The following NADK2 variants were observed in gnomAD, a reference collection of about 807,000 sequenced individuals.
The protein encoded by NADK2 is NAD kinase domain-containing protein 1, mitochondrial.
In NADK2, 35 loss-of-function variants were observed where a neutral mutation model predicts 62.1. That is an observed-to-expected ratio of 0.56 (90% confidence interval 0.43 to 0.75). NADK2 has a LOEUF of 0.75. Among genes scored for constraint, NADK2 ranks in the 30% least tolerant of loss-of-function variants. The probability of loss-of-function intolerance (pLI) is 0.00; values close to 1 mark genes in which losing one functional copy is unlikely to be tolerated. For missense variants in NADK2, 439 were observed against 561.3 expected, an observed-to-expected ratio of 0.78 and a Z score of 2.20; for synonymous variants, 205 against 207.9, an observed-to-expected ratio of 0.99 and a Z score of 0.12.
intron 1 of NADK2, among the ~76,000 whole-genome samples, chr5:36,230,083 A>T (rs923769042): frequency 7.9e-5 from 12 of 152,100 alleles, no homozygotes; most frequent in African/African-American, 2.9e-4. Flanking sequence ...CCTATAGATT[A>T]TTCCGAACAC....
Position 36,205,606 on chromosome 5 carries a change from G to C in NADK2, c.956+1564C>G, listed in dbSNP as rs1746605051. On this transcript the variant is annotated intron_variant, in intron 8 of 11. Transcript: ENST00000381937. The surrounding 1 kb of genome is among the most constrained non-coding windows in gnomAD (Gnocchi z 4.1). ...TGAAAGTTATAAGGCAGAGAAGAGA[G>C]ACAGATTTATCTACATTTTAGAAAT... Among the ~76,000 whole-genome samples the C allele has an allele frequency of 6.6e-6, 1 of 151,996 alleles. No individual in the cohort carries two copies. Among genetic ancestry groups the C allele is most frequent in the African/African-American group, 2.4e-5 (1 of 41,398 alleles).
Position 36,193,573 on chromosome 5 carries a change from A to G in NADK2, c.*1571T>C, listed in dbSNP as rs1370168031. The G allele has an allele frequency of 6.6e-6, 1 of 151,942 alleles. No individual in the cohort carries two copies. Among genetic ancestry groups the G allele is most frequent in the East Asian group, 1.9e-4 (1 of 5,200 alleles). 9.4% of individuals were successfully genotyped at this position (151,942 alleles called of 1,614,324 possible). The stretch of plus-strand genomic sequence containing the variant: ...AAAGTGGTATCTTATGTATATCAAA[A>G]AAAAAAAGCCAGATCAATCTCTGGG... On this transcript the variant is annotated 3_prime_UTR_variant, in exon 12 of 12. Coordinates refer to ENST00000381937, the MANE Select transcript of NADK2 (RefSeq NM_001085411.3).
At chr5:36,212,195 T>C (rs913420513) in intron 6 of NADK2, 5 of 232,898 alleles carry the variant, frequency 2.1e-5, no homozygotes, top group African/African-American at 9.0e-5. Context: ...TGAACTATAT[T>C]TATCCATCTC....
intron 6 of NADK2, among the ~76,000 whole-genome samples, chr5:36,215,331 A>G (rs1318611230): frequency 6.6e-6 from 1 of 152,190 alleles, no homozygotes. Flanking sequence ...CTAACTGTGT[A>G]TATTTATGGA....
intron 6 of NADK2, among the ~76,000 whole-genome samples, chr5:36,217,236 C>T (rs1431518786): frequency 6.6e-6 from 1 of 152,062 alleles, no homozygotes; most frequent in Non-Finnish European, 1.5e-5. Flanking sequence ...AAATATGGCT[C>T]AAAATGGAGA....
chr5:36,198,988 G>A (rs1194067911), intron 10 of NADK2, among the ~76,000 whole-genome samples: 3 of 151,792 alleles, frequency 2.0e-5, no homozygotes, highest in Admixed American at 6.6e-5. Context: ...ACTCATAGGT[G>A]GGAACTGAAC....
Position 36,197,674 on chromosome 5 carries a change from A to G in NADK2, c.1067-10T>C. The stretch of plus-strand genomic sequence containing the variant: ...TTATATTCATTTGTTACTACAAAGA[A>G]AAAAAAATTAGCACACTCAATAAAA... On this transcript the variant is annotated splice_polypyrimidine_tract_variant and intron_variant, in intron 10 of 11. Coordinates refer to ENST00000381937, the MANE Select transcript of NADK2 (RefSeq NM_001085411.3). 1 of 1,532,378 alleles carries G rather than the reference A, an allele frequency of 6.5e-7. No individual in the cohort carries two copies. The highest frequency in any genetic ancestry group is 8.7e-7 in the Non-Finnish European group (1 of 1,145,108). The allele number at this position is 1,532,378 out of a possible 1,614,324, so 94.9% of individuals were successfully genotyped here.
chr5:36,211,076 C>T (rs1404466886), intron 7 of NADK2, among the ~76,000 whole-genome samples: 2 of 152,032 alleles, frequency 1.3e-5, no homozygotes, highest in Non-Finnish European at 2.9e-5. Context: ...TTTGGGAGGC[C>T]GAGGCAGGCA....
At chr5:36,231,716 A>T (rs10512639) in intron 1 of NADK2, among the ~76,000 whole-genome samples, 52,688 of 152,040 alleles carry the variant, frequency 0.35, 9,389 homozygotes, top group South Asian at 0.45. Context: ...TTCTTGCTAA[A>T]CCTTTGAAAA....
At chr5:36,232,105 C>T (rs1747729717) in intron 1 of NADK2, among the ~76,000 whole-genome samples, 1 of 152,064 alleles carries the variant, frequency 6.6e-6, no homozygotes, top group African/African-American at 2.4e-5. Flanking sequence ...AAATAAAGCA[C>T]AACATGTAAG....
chr5:36,232,118 A>G (rs1383423170), intron 1 of NADK2, among the ~76,000 whole-genome samples: 4 of 152,198 alleles, frequency 2.6e-5, no homozygotes, highest in African/African-American at 7.2e-5. Context: ...CATGTAAGGA[A>G]AAAAGCAAGA....
intron 1 of NADK2, among the ~76,000 whole-genome samples, chr5:36,235,928 C>T (rs1015719045): frequency 1.3e-5 from 2 of 150,530 alleles, no homozygotes; most frequent in African/African-American, 2.4e-5. Flanking sequence ...TTTCCTAAAG[C>T]GTGAAATAAC....
chr5:36,217,173 T>C (rs1045342534), intron 6 of NADK2, among the ~76,000 whole-genome samples: 1 of 152,160 alleles, frequency 6.6e-6, no homozygotes, highest in Non-Finnish European at 1.5e-5. Context: ...TTAAGATTTC[T>C]CTTGGGATAT....
At chr5:36,222,674 G>C (rs533913783) in intron 4 of NADK2, among the ~76,000 whole-genome samples, 1 of 152,300 alleles carries the variant, frequency 6.6e-6, no homozygotes, top group South Asian at 2.1e-4. Flanking sequence ...TTAGAAAGAA[G>C]ACTAAGGCAA....
intron 1 of NADK2, among the ~76,000 whole-genome samples, chr5:36,229,697 G>C (rs184032291): frequency 3.8e-4 from 57 of 151,696 alleles, no homozygotes; most frequent in African/African-American, 1.3e-3. Context: ...CCTATCTTTA[G>C]AGCCTCAAAT....
chr5:36,234,020 A>G (rs1048601969), intron 1 of NADK2, among the ~76,000 whole-genome samples: 2 of 152,240 alleles, frequency 1.3e-5, no homozygotes, highest in African/African-American at 2.4e-5. Context: ...TATTTTTTTA[A>G]TAATGGAAAA....
rs748450485 is a variant in NADK2, at chr5:36,195,237, A to G, written c.1236T>C (p.Asp412=). 1.2e-6 allele frequency: 2 copies of G among 1,613,298 alleles called. No homozygotes were observed. Among genetic ancestry groups the G allele is most frequent in the Non-Finnish European group, 1.7e-6 (2 of 1,179,648 alleles). The change falls in exon 12 of 12, where the codon GAT becomes GAC. Residue 412 remains aspartate, a synonymous_variant. Transcript: ENST00000381937. ...CATTAAACTCAAAAGAAGTTCCTCC[A>G]TCCACAACCATACAGGCATCCCAAC... The part of the protein sequence containing the change: ...SRCWDACMVV[D]GGTSFEFNDG...
intron 7 of NADK2, among the ~76,000 whole-genome samples, chr5:36,210,870 T>C (rs1250501937): frequency 6.6e-6 from 1 of 152,230 alleles, no homozygotes; most frequent in Non-Finnish European, 1.5e-5. Context: ...TAAATATTTA[T>C]AAGCTGGGAA....
intron 8 of NADK2, among the ~76,000 whole-genome samples, chr5:36,206,015 C>T (rs1386733805): frequency 6.6e-6 from 1 of 151,940 alleles, no homozygotes; most frequent in African/African-American, 2.4e-5. Flanking sequence ...AAGCTGGAAA[C>T]CATCATTCTC....
Sources: gnomAD v4.1 joint callset for allele counts (sites outside exome capture counted in the v4.1 genomes callset) on GRCh38, gnomAD v4.1.1 for gene constraint, Gnocchi (gnomAD v3.1) non-coding constraint, MANE v1.5 for transcripts, NCBI Gene and HGNC (gene_info 2026-07-23, HGNC 2026-07-21) for gene names.